Variants in SHISA9 observed in about 807,000 individuals in gnomAD.
SHISA9 encodes the protein protein shisa-9.
A neutral mutation model predicts 38.0 loss-of-function variants in SHISA9; 13 were observed. That is an observed-to-expected ratio of 0.34 (90% confidence interval 0.22 to 0.54). SHISA9 has a LOEUF of 0.54. Among genes scored for constraint, SHISA9 ranks in the 20% least tolerant of loss-of-function variants. SHISA9 has a pLI of 0.91. For missense variants in SHISA9, 538 were observed against 575.8 expected, an observed-to-expected ratio of 0.93 and a Z score of 0.67; for synonymous variants, 275 against 242.0, an observed-to-expected ratio of 1.14 and a Z score of -1.27.
At chr16:13,311,829 G>T in the SHISA9 span, among the ~76,000 whole-genome samples, 6 of 152,072 alleles carry the variant, frequency 3.9e-5, no homozygotes, top group Non-Finnish European at 7.4e-5. Flanking sequence ...TTTTGTGCAA[G>T]TCAACTTCCT....
chr16:13,220,333 G>A (rs964850228), intron 4 of SHISA9, among the ~76,000 whole-genome samples: 3 of 152,194 alleles, frequency 2.0e-5, no homozygotes, highest in Non-Finnish European at 4.4e-5. Context: ...GGTCTCATGA[G>A]GGTGGGAGAG....
the SHISA9 span, among the ~76,000 whole-genome samples, chr16:13,515,386 G>T: frequency 2.6e-5 from 4 of 152,102 alleles, no homozygotes; most frequent in Admixed American, 6.5e-5. Context: ...TAACTACATG[G>T]TGTATATACA....
chr16:13,124,825 G>T (rs993003794), intron 2 of SHISA9, among the ~76,000 whole-genome samples: 3 of 152,132 alleles, frequency 2.0e-5, no homozygotes, highest in Non-Finnish European at 4.4e-5. Flanking sequence ...CACACTTGTG[G>T]TAAACTCATT....
chr16:13,043,049 C>T (rs1001817110), intron 2 of SHISA9, among the ~76,000 whole-genome samples: 1 of 152,130 alleles, frequency 6.6e-6, no homozygotes, highest in East Asian at 1.9e-4. Flanking sequence ...ATTCGGGGTG[C>T]CTGGACAGCA....
the SHISA9 span, among the ~76,000 whole-genome samples, chr16:13,273,364 G>A: frequency 6.6e-6 from 1 of 152,148 alleles, no homozygotes; most frequent in Non-Finnish European, 1.5e-5. Context: ...CATGTGTTGT[G>A]GGAGGGACCT....
At chr16:13,494,805 T>C in the SHISA9 span, among the ~76,000 whole-genome samples, 1 of 152,192 alleles carries the variant, frequency 6.6e-6, no homozygotes, top group Non-Finnish European at 1.5e-5. Flanking sequence ...TCCCTATCTG[T>C]GCATGAATGT....
intron 2 of SHISA9, among the ~76,000 whole-genome samples, chr16:12,925,941 G>C (rs552658301): frequency 6.6e-6 from 1 of 152,170 alleles, no homozygotes; most frequent in East Asian, 1.9e-4. Flanking sequence ...GGCCAGGCTG[G>C]TCTTGAACTC....
At chr16:13,095,517 A>G (rs369625214) in intron 2 of SHISA9, among the ~76,000 whole-genome samples, 4 of 152,366 alleles carry the variant, frequency 2.6e-5, no homozygotes, top group African/African-American at 9.6e-5. Context: ...GGCTTCCAGT[A>G]TCCTCCTCAG....
the SHISA9 span, among the ~76,000 whole-genome samples, chr16:13,367,706 G>GCACACA: frequency 8.6e-6 from 1 of 115,612 alleles, no homozygotes; most frequent in Non-Finnish European, 1.8e-5. Context: ...GTGCGCGCGC[G>GCACACA]CGCGCGCACA....
rs1567335050 is a variant in SHISA9 at position 12,909,296 on chromosome 16, C to G, written c.563+6669C>G. On this transcript the variant is annotated intron_variant, in intron 1 of 4. Transcript: ENST00000558583. Reference sequence around the variant, plus strand: ...GATGAGCTTGGACAAATGTCTATACCTGTGTAATCATTACTCTAGAAAGCT... The same window carrying G: ...GATGAGCTTGGACAAATGTCTATACGTGTGTAATCATTACTCTAGAAAGCT... 4.1e-6 allele frequency: 4 copies of G among 985,154 alleles called. No individual in the cohort carries two copies. The South Asian group carries it at 1.4e-4, about 35-fold the overall frequency. The allele number at this position is 985,154 out of a possible 1,614,324, so 61.0% of individuals were successfully genotyped here.
the SHISA9 span, among the ~76,000 whole-genome samples, chr16:13,400,852 A>T: frequency 6.6e-6 from 1 of 152,234 alleles, no homozygotes; most frequent in Non-Finnish European, 1.5e-5. Context: ...TTCCTTATGG[A>T]CACTAACTTC....
the SHISA9 span, among the ~76,000 whole-genome samples, chr16:13,561,033 T>C: frequency 1.3e-5 from 2 of 152,006 alleles, no homozygotes; most frequent in African/African-American, 4.8e-5. Flanking sequence ...CCGGCTAATT[T>C]TTGTATTTTT....
the SHISA9 span, among the ~76,000 whole-genome samples, chr16:13,500,503 C>T: frequency 6.6e-6 from 1 of 151,834 alleles, no homozygotes; most frequent in Admixed American, 6.6e-5. Context: ...TAATCTGGGT[C>T]TTGTAGGATG....
At chr16:13,149,589 C>T (rs1033362826) in intron 2 of SHISA9, among the ~76,000 whole-genome samples, 43 of 152,228 alleles carry the variant, frequency 2.8e-4, no homozygotes, top group African/African-American at 9.6e-4. Flanking sequence ...CTGAGCCTCT[C>T]TTTTCCCAAC....
intron 2 of SHISA9, among the ~76,000 whole-genome samples, 165 bp downstream of exon 2, chr16:12,916,980 G>A (rs1161489530): frequency 6.6e-6 from 1 of 152,172 alleles, no homozygotes; most frequent in South Asian, 2.1e-4. Context: ...AGCATCATCC[G>A]ATGTCCGTTG....
At chr16:13,118,637 G>T (rs1029214831) in intron 2 of SHISA9, among the ~76,000 whole-genome samples, 12 of 152,136 alleles carry the variant, frequency 7.9e-5, no homozygotes, top group Non-Finnish European at 1.2e-4. Flanking sequence ...AGCTCCCAGG[G>T]GATGCCGATG....
At chr16:13,142,368 C>T (rs149819034) in intron 2 of SHISA9, among the ~76,000 whole-genome samples, 6 of 152,282 alleles carry the variant, frequency 3.9e-5, no homozygotes, top group Non-Finnish European at 5.9e-5. Context: ...TTGCCTGAGG[C>T]GGGCAGTTTA....
chr16:12,987,153 GGGCTAAAGAGC>G (rs1419737492), intron 2 of SHISA9, among the ~76,000 whole-genome samples: 2 of 152,142 alleles, frequency 1.3e-5, no homozygotes, highest in Non-Finnish European at 2.9e-5. Flanking sequence ...AGTCTTGATG[GGGCTAAAGAGC>G]TGTTGTCTTT....
At chr16:13,178,401 A>G (rs1008534146) in intron 2 of SHISA9, among the ~76,000 whole-genome samples, 4 of 149,482 alleles carry the variant, frequency 2.7e-5, no homozygotes, top group Non-Finnish European at 4.4e-5. Context: ...CAGTTCTACT[A>G]TCTCCTGACG....
Sources: gnomAD v4.1 joint callset for allele counts (sites outside exome capture counted in the v4.1 genomes callset) on GRCh38, gnomAD v4.1.1 for gene constraint, MANE v1.5 for transcripts, NCBI Gene and HGNC (gene_info 2026-07-23, HGNC 2026-07-21) for gene names.